The following ZCCHC7 variants were observed in gnomAD, a reference collection of about 807,000 sequenced individuals.
ZCCHC7 encodes zinc finger CCHC-type containing 7, also known as zinc finger CCHC domain-containing protein 7.
In ZCCHC7, 35 loss-of-function variants were observed where a neutral mutation model predicts 52.0. The observed-to-expected ratio is 0.67, with a 90% CI of 0.51 to 0.89. The LOEUF is 0.89. Among genes scored for constraint, ZCCHC7 ranks in the 40% least tolerant of loss-of-function variants. The pLI is 0.00. For missense variants in ZCCHC7, 574 were observed against 649.1 expected (o/e 0.88, Z 1.26); for synonymous variants, 217 against 221.5 (o/e 0.98, Z 0.18).
chr9:37,178,947 T>A (rs1269242291), intron 2 of ZCCHC7, among the ~76,000 whole-genome samples: 4 of 152,256 alleles, frequency 2.6e-5, no homozygotes, highest in Non-Finnish European at 5.9e-5. Flanking sequence ...TAATGTTTAC[T>A]GTGTCTCTTC....
intron 5 of ZCCHC7, among the ~76,000 whole-genome samples, chr9:37,308,380 C>T (rs1227950145): frequency 6.6e-6 from 1 of 151,664 alleles, no homozygotes; most frequent in African/African-American, 2.4e-5. Context: ...AGAGCTCTGA[C>T]AAATATGGTC....
chr9:37,335,233 C>T (rs548409890), intron 6 of ZCCHC7, among the ~76,000 whole-genome samples: 8 of 152,156 alleles, frequency 5.3e-5, no homozygotes, highest in African/African-American at 1.7e-4. Context: ...TACAGTTGTA[C>T]ATTTCCTCCC....
At chr9:37,220,626 A>C (rs895751144) in intron 2 of ZCCHC7, among the ~76,000 whole-genome samples, 2 of 152,148 alleles carry the variant, frequency 1.3e-5, no homozygotes, top group Admixed American at 6.5e-5. Context: ...AAAGAGCGAG[A>C]AATTACTGAG....
Position 37,239,005 on chromosome 9 carries a change from T to C in ZCCHC7, c.611-63183T>C, listed in dbSNP as rs796719618. ...TAGGACTCTATATAGTTGTGGTTAG[T>C]TTTGTTTTTACATTTTAAGAACAAC... On this transcript the variant is annotated intron_variant, in intron 2 of 8. Transcript: ENST00000336755. Among the ~76,000 whole-genome samples, 5 of 152,152 alleles carry C rather than the reference T, an allele frequency of 3.3e-5. No homozygotes were observed. The East Asian group carries it at 7.7e-4, about 23-fold the overall frequency.
intron 6 of ZCCHC7, among the ~76,000 whole-genome samples, chr9:37,328,978 A>G (rs1830353214): frequency 6.6e-6 from 1 of 151,946 alleles, no homozygotes; most frequent in African/African-American, 2.4e-5. Flanking sequence ...TGTATGTTAC[A>G]CATATATATT....
At chr9:37,306,758 C>G (rs1341619893) in intron 5 of ZCCHC7, among the ~76,000 whole-genome samples, 1 of 104,254 alleles carries the variant, frequency 9.6e-6, no homozygotes, top group Non-Finnish European at 2.0e-5. Context: ...CCACTGTACC[C>G]GACCTTTTTT....
intron 5 of ZCCHC7, among the ~76,000 whole-genome samples, chr9:37,324,019 A>G (rs1340813682): frequency 6.6e-6 from 1 of 152,168 alleles, no homozygotes; most frequent in Non-Finnish European, 1.5e-5. Context: ...GAGTCCAGAG[A>G]CTAGAATGGT....
chr9:37,331,926 T>G (rs1309156076), intron 6 of ZCCHC7, among the ~76,000 whole-genome samples: 1 of 151,640 alleles, frequency 6.6e-6, no homozygotes, highest in Non-Finnish European at 1.5e-5. Flanking sequence ...AAATGCTATC[T>G]AAACACCATT....
At chr9:37,219,182 G>A (rs1425940072) in intron 2 of ZCCHC7, among the ~76,000 whole-genome samples, 1 of 152,196 alleles carries the variant, frequency 6.6e-6, no homozygotes, top group Non-Finnish European at 1.5e-5. Flanking sequence ...AATGGGCCAG[G>A]AATTGTCAAA....
Position 37,289,832 on chromosome 9 carries a change from G to A in ZCCHC7, c.611-12356G>A, listed in dbSNP as rs182209733. The stretch of plus-strand genomic sequence containing the variant: ...CTCTAGCCATACTGGCCTGTCTCCG[G>A]TTCCTTAAACACATCAGGAATATTT... On this transcript the variant is annotated intron_variant, in intron 2 of 8. Transcript: ENST00000336755. 3.3e-5 allele frequency among the ~76,000 whole-genome samples: 5 copies of A among 152,242 alleles called. No homozygotes were observed. In the East Asian group the frequency reaches 7.7e-4, roughly 23 times the overall value.
In ZCCHC7 at chr9:37,164,510, A is replaced by AC. The variant is rs1564151863; in HGVS notation, c.610+37568_610+37569insC. ...ATAGATAGATAGATAGACAGACAAG[A>AC]TAGATAGACTCTGTCTCAGAAGGAA... On this transcript the variant is annotated intron_variant, in intron 2 of 8. Coordinates refer to ENST00000336755, the MANE Select transcript of ZCCHC7 (RefSeq NM_032226.3). Among the ~76,000 whole-genome samples, 29 of 149,888 alleles carry AC rather than the reference A, an allele frequency of 1.9e-4. 1 individual carries two copies. The highest frequency in any genetic ancestry group is 7.2e-4 in the African/African-American group (29 of 40,180).
intron 2 of ZCCHC7, among the ~76,000 whole-genome samples, chr9:37,280,092 G>C (rs1448438076): frequency 6.6e-6 from 1 of 151,932 alleles, no homozygotes; most frequent in East Asian, 1.9e-4. Flanking sequence ...AGTGAGCTAA[G>C]ATCCCACTAC....
chr9:37,197,524 T>A (rs1823351946), intron 2 of ZCCHC7, among the ~76,000 whole-genome samples: 1 of 152,248 alleles, frequency 6.6e-6, no homozygotes, highest in African/African-American at 2.4e-5. Context: ...CACAGTGAAC[T>A]GTTTTTTATT....
At chr9:37,338,666 G>A (rs145389212) in intron 6 of ZCCHC7, among the ~76,000 whole-genome samples, 6 of 152,166 alleles carry the variant, frequency 3.9e-5, no homozygotes, top group African/African-American at 1.2e-4. Flanking sequence ...TTACTCTCAG[G>A]TAAACCATGA....
intron 2 of ZCCHC7, among the ~76,000 whole-genome samples, chr9:37,261,494 C>T (rs1321678517): frequency 2.0e-5 from 3 of 152,168 alleles, no homozygotes; most frequent in African/African-American, 7.2e-5. Context: ...ATTATCACTT[C>T]CTAACTGATG....
intron 5 of ZCCHC7, among the ~76,000 whole-genome samples, chr9:37,306,446 GCTT>G (rs898906946): frequency 3.3e-5 from 5 of 151,350 alleles, no homozygotes; most frequent in South Asian, 4.2e-4. Flanking sequence ...CTATTTTGAT[GCTT>G]CTTTTTTTAT....
chr9:37,310,363 CCTATT>C (rs1829533078), intron 5 of ZCCHC7, among the ~76,000 whole-genome samples: 1 of 152,150 alleles, frequency 6.6e-6, no homozygotes. Context: ...CACACAGAAA[CCTATT>C]CTGTGAGCTA....
At chr9:37,199,674 C>T (rs1179110221) in intron 2 of ZCCHC7, among the ~76,000 whole-genome samples, 4 of 68,554 alleles carry the variant, frequency 5.8e-5, no homozygotes, top group African/African-American at 2.2e-4. Context: ...CTGTCTTTCT[C>T]TCTGTCTGTC....
At chr9:37,200,058 G>A (rs1034277039) in intron 2 of ZCCHC7, among the ~76,000 whole-genome samples, 2 of 152,028 alleles carry the variant, frequency 1.3e-5, no homozygotes. Context: ...CCATTTGTGC[G>A]CCACCATTAT....
Sources: gnomAD v4.1 joint callset for allele counts (sites outside exome capture counted in the v4.1 genomes callset) on GRCh38, gnomAD v4.1.1 for gene constraint, MANE v1.5 for transcripts, NCBI Gene and HGNC (gene_info 2026-07-23, HGNC 2026-07-21) for gene names.